Variants in TET3 observed in about 807,000 individuals in gnomAD.
TET3 encodes the protein methylcytosine dioxygenase TET3.
In TET3, 19 loss-of-function variants were observed where a neutral mutation model predicts 141.4. The observed-to-expected ratio is 0.13, with a 90% CI of 0.09 to 0.20. TET3 has a LOEUF of 0.20. Among genes scored for constraint, TET3 ranks in the 10% least tolerant of loss-of-function variants. The pLI is 1.00. For missense variants in TET3, 1,874 were observed against 2,356.9 expected (o/e 0.80, Z 4.24); for synonymous variants, 1,043 against 980.9 (o/e 1.06, Z -1.18).
At chr2:74,114,853 C>CA in the TET3 span, among the ~76,000 whole-genome samples, 1,665 of 43,676 alleles carry the variant, frequency 0.038, 111 homozygotes, top group South Asian at 0.071. Context: ...GACTCTGTCT[C>CA]AAAAAAAAAA....
rs1349127311 is a variant in TET3, at chr2:74,099,580, C to T, written c.3572C>T (p.Ala1191Val). The change falls in exon 11 of 12, where the codon GCC (alanine) becomes GTC (valine). Residue 1191 changes from alanine to valine, a missense_variant. Ala to Val is a moderately conservative substitution (Grantham distance 64, BLOSUM62 0). Coordinates refer to ENST00000409262, the MANE Select transcript of TET3 (RefSeq NM_001287491.2). ...LSTPEKIKQE[A>V]LELAGITSDP... is the part of the protein sequence containing the mutation. ...ACTCCGGAGAAGATCAAGCAGGAGG[C>T]CCTGGAGCTGGCGGGCATTACGTCG... 3 of 1,597,204 alleles carry T rather than the reference C, an allele frequency of 1.9e-6. No homozygotes were observed. Among genetic ancestry groups the T allele is most frequent in the East Asian group, 2.3e-5 (1 of 44,080 alleles).
chr2:74,080,705 G>GC (rs1689765801), intron 6 of TET3, 114 bp downstream of exon 6: 5 of 226,108 alleles, frequency 2.2e-5, no homozygotes, highest in African/African-American at 1.2e-4. Context: ...AGGGCGGGGG[G>GC]TGGGGCCAGG....
intron 3 of TET3, among the ~76,000 whole-genome samples, chr2:74,018,851 CA>C (rs1159976116): frequency 6.6e-6 from 1 of 151,132 alleles, no homozygotes; most frequent in African/African-American, 2.4e-5. Flanking sequence ...ATGAAACGTA[CA>C]GGTTATTTTG....
rs915726095 is a variant in TET3 at position 74,044,226 on chromosome 2, G to T, written c.361-2052G>T. 3.3e-5 allele frequency among the ~76,000 whole-genome samples: 5 copies of T among 152,116 alleles called. No homozygotes were observed. The South Asian group carries it at 8.3e-4, about 25-fold the overall frequency. ...GTAAAATAAATAAATAAAACACTTT[G>T]TGTTATACTTGAGGGACTGATTTCT... On this transcript the variant is annotated intron_variant, in intron 3 of 11. Coordinates refer to ENST00000409262, the MANE Select transcript of TET3 (RefSeq NM_001287491.2).
At chr2:74,034,648 C>T (rs889635302) in intron 3 of TET3, among the ~76,000 whole-genome samples, 1 of 150,402 alleles carries the variant, frequency 6.6e-6, no homozygotes, top group Non-Finnish European at 1.5e-5. Flanking sequence ...TTCATTGACA[C>T]TGCTCTATAA....
rs1200166191 is a variant in TET3 at position 74,101,536 on chromosome 2, G to A, written c.4748G>A (p.Gly1583Asp). The change falls in exon 12 of 12, where the codon GGT (glycine) becomes GAT (aspartate). Residue 1583 changes from glycine to aspartate, a missense_variant. By Grantham distance (94) the Gly-to-Asp change is moderately conservative (BLOSUM62 -1). This residue lies in a region of TET3 where 602 missense variants were observed against 590.2 expected (regional missense o/e 1.02). Transcript: ENST00000409262. This position sits in a 1 kb window ranked among gnomAD's most constrained non-coding sequence, Gnocchi z 8.5. ...SQLDRAWQSF[G>D]LPLGSSEKLF... Reference sequence around the variant, plus strand: ...CTGGACAGGGCCTGGCAGTCCTTTGGTCTGCCCCTGGGATCCAGCGAGAAG... The same window carrying A: ...CTGGACAGGGCCTGGCAGTCCTTTGATCTGCCCCTGGGATCCAGCGAGAAG... 1 of 1,610,778 alleles carries A rather than the reference G, an allele frequency of 6.2e-7. No individual in the cohort carries two copies. The highest frequency in any genetic ancestry group is 1.1e-5 in the South Asian group (1 of 90,698).
chr2:74,103,559 CTT>C lies in TET3; in HGVS notation c.*1389_*1390del, dbSNP rs1250021470. ...TGCCATTTCTCCATTTGATCATTTTCTTTTTTTCCTTTCTCCCCTCTTCATCC... is the reference window on the plus strand; with the variant it reads ...TGCCATTTCTCCATTTGATCATTTTCTTTTTCCTTTCTCCCCTCTTCATCC... On this transcript the variant is annotated 3_prime_UTR_variant, in exon 12 of 12. Transcript: ENST00000409262. 6.6e-6 allele frequency: 1 copy of C among 152,132 alleles called. No individual in the cohort carries two copies. Among genetic ancestry groups the C allele is most frequent in the Non-Finnish European group, 1.5e-5 (1 of 68,006 alleles). The allele number at this position is 152,132 out of a possible 1,614,324, so 9.4% of individuals were successfully genotyped here.
chr2:74,107,642 G>GACTT lies in TET3; in HGVS notation c.*5468_*5471dup, dbSNP rs1691578066. On this transcript the variant is annotated 3_prime_UTR_variant, in exon 12 of 12. Coordinates refer to ENST00000409262, the MANE Select transcript of TET3 (RefSeq NM_001287491.2). Reference sequence around the variant, plus strand: ...CGTATAATGGCATATTAATACATTAGACTTAATCTAGAACCCCTGTAGCTT... The same window carrying GACTT: ...CGTATAATGGCATATTAATACATTAGACTTACTTAATCTAGAACCCCTGTAGCTT... The GACTT allele has an allele frequency of 6.6e-6, 1 of 152,116 alleles. No homozygotes were observed. The highest frequency in any genetic ancestry group is 1.5e-5 in the Non-Finnish European group (1 of 68,034). The allele number at this position is 152,116 out of a possible 1,614,324, so 9.4% of individuals were successfully genotyped here.
At chr2:74,109,045 T>C (rs1691640450), downstream of TET3, among the ~76,000 whole-genome samples, 1 of 152,228 alleles carries the variant, frequency 6.6e-6, no homozygotes, top group East Asian at 1.9e-4. Flanking sequence ...CATGTTTATA[T>C]GTTTTACAAA....
intron 3 of TET3, among the ~76,000 whole-genome samples, chr2:74,022,098 T>A (rs1164372274): frequency 6.7e-6 from 1 of 149,072 alleles, no homozygotes; most frequent in Non-Finnish European, 1.5e-5. Flanking sequence ...AGGACACTTT[T>A]TTTTTTTTTT....
intron 4 of TET3, among the ~76,000 whole-genome samples, chr2:74,055,615 A>G (rs1296635315): frequency 6.6e-6 from 1 of 152,240 alleles, no homozygotes; most frequent in Non-Finnish European, 1.5e-5. Flanking sequence ...CTAAAATTAT[A>G]TCAGGAAACT....
Position 74,101,186 on chromosome 2 carries a change from C to T in TET3, c.4398C>T (p.Ala1466=), listed in dbSNP as rs1183374639. The T allele has an allele frequency of 1.9e-6, 3 of 1,613,740 alleles. No individual in the cohort carries two copies. The highest frequency in any genetic ancestry group is 2.5e-6 in the Non-Finnish European group (3 of 1,179,832). Residue 1466 remains alanine, a synonymous_variant, in exon 12 of 12, where the codon GCC becomes GCT. Coordinates refer to ENST00000409262, the MANE Select transcript of TET3 (RefSeq NM_001287491.2). The surrounding 1 kb of genome is among the most constrained non-coding windows in gnomAD (Gnocchi z 8.5). ...WGVFSSGESP[A]IVPDKLSSFG... is the part of the protein sequence containing the mutation. The stretch of plus-strand genomic sequence containing the variant: ...TGTTCTCGTCTGGGGAGAGTCCTGC[C>T]ATCGTCCCTGACAAGCTCAGTTCCT...
At chr2:74,117,541 T>C in the TET3 span, among the ~76,000 whole-genome samples, 1 of 152,072 alleles carries the variant, frequency 6.6e-6, no homozygotes, top group African/African-American at 2.4e-5. Flanking sequence ...ATTACAGACC[T>C]TTTGATCCTA....
chr2:74,070,295 T>A (rs1186203135), intron 4 of TET3, among the ~76,000 whole-genome samples: 1 of 152,170 alleles, frequency 6.6e-6, no homozygotes, highest in African/African-American at 2.4e-5. Context: ...AGGCATGTCT[T>A]ACATGGCAGC....
chr2:74,012,290 C>T (rs567507975), intron 3 of TET3, among the ~76,000 whole-genome samples: 3 of 152,302 alleles, frequency 2.0e-5, no homozygotes, highest in East Asian at 1.9e-4. Flanking sequence ...CATTGTTAAC[C>T]GGAGTATCCC....
rs1390262351 is a variant in TET3, at chr2:74,102,794, G to A, written c.*618G>A. On this transcript the variant is annotated 3_prime_UTR_variant, in exon 12 of 12. Coordinates refer to ENST00000409262, the MANE Select transcript of TET3 (RefSeq NM_001287491.2). ...TCCCGACATACACCCCTTCCCTTTG[G>A]GGAAGGGAGCCTCAGGACAGCTTCT... 1 of 152,078 alleles carries A rather than the reference G, an allele frequency of 6.6e-6. No individual in the cohort carries two copies. The highest frequency in any genetic ancestry group is 1.5e-5 in the Non-Finnish European group (1 of 68,016). 9.4% of individuals were successfully genotyped at this position (152,078 alleles called of 1,614,324 possible). A position where few individuals can be genotyped will look rare whatever the true frequency, so the allele number is the denominator to read the frequency against.
At chr2:74,004,052 C>T (rs557378111) in intron 3 of TET3, among the ~76,000 whole-genome samples, 6 of 152,098 alleles carry the variant, frequency 3.9e-5, no homozygotes, top group Non-Finnish European at 8.8e-5. Flanking sequence ...TGGCCCAGGG[C>T]GGAGAAAACA....
At chr2:74,083,457 C>A (rs968370284) in intron 6 of TET3, among the ~76,000 whole-genome samples, 2 of 152,128 alleles carry the variant, frequency 1.3e-5, no homozygotes, top group African/African-American at 4.8e-5. Flanking sequence ...TGTGGGAAGA[C>A]AGGGTTGGGG....
chr2:74,127,044 G>A, the TET3 span, among the ~76,000 whole-genome samples: 1 of 152,206 alleles, frequency 6.6e-6, no homozygotes, highest in East Asian at 1.9e-4. Context: ...ACACACCAGA[G>A]AAGCAGCTGT....
Sources: allele counts gnomAD v4.1 joint callset (sites outside exome capture counted in the v4.1 genomes callset), GRCh38; gene constraint gnomAD v4.1.1; regional missense constraint gnomAD v4.1.1; non-coding constraint Gnocchi (gnomAD v3.1); transcripts MANE v1.5; gene names NCBI Gene and HGNC (gene_info 2026-07-23, HGNC 2026-07-21).